The following PFKFB3 variants were observed in gnomAD, a reference collection of about 807,000 sequenced individuals.
PFKFB3 encodes 6-phosphofructo-2-kinase/fructose-2,6-biphosphatase 3, also known as 6-phosphofructo-2-kinase/fructose-2,6-bisphosphatase 3.
Under a neutral mutation model 68.0 loss-of-function variants are expected in PFKFB3, and 33 were observed. The ratio of observed to expected loss-of-function variants is 0.49; its 90% CI spans 0.37 to 0.65. The LOEUF is 0.65. PFKFB3 is among the 30% of genes least tolerant of loss of function. The probability of loss-of-function intolerance (pLI) is 0.00; values close to 1 mark genes in which losing one functional copy is unlikely to be tolerated. For missense variants in PFKFB3, 586 were observed against 712.2 expected (o/e 0.82, Z 2.02); for synonymous variants, 315 against 288.2 (o/e 1.09, Z -0.94).
the PFKFB3 span, among the ~76,000 whole-genome samples, chr10:6,263,005 G>A: frequency 4.5e-4 from 69 of 152,248 alleles, no homozygotes; most frequent in South Asian, 0.011. Context: ...ACCCAGCAGC[G>A]CTAGAGGAAT....
At chr10:6,235,841 A>G (rs997000342), downstream of PFKFB3, among the ~76,000 whole-genome samples, 1 of 147,220 alleles carries the variant, frequency 6.8e-6, no homozygotes, top group Non-Finnish European at 1.5e-5. Flanking sequence ...ATCTCAGCTC[A>G]CTGCAACCTC....
the PFKFB3 span, among the ~76,000 whole-genome samples, chr10:6,297,716 TTGA>T: frequency 6.6e-6 from 1 of 152,202 alleles, no homozygotes; most frequent in Non-Finnish European, 1.5e-5. Flanking sequence ...TTACAGCTCC[TTGA>T]TGATGACCCT....
downstream of PFKFB3, among the ~76,000 whole-genome samples, chr10:6,240,493 A>G (rs1046155697): frequency 6.6e-6 from 1 of 151,778 alleles, no homozygotes; most frequent in African/African-American, 2.4e-5. Flanking sequence ...TCGAACTCCA[A>G]CCTCAGGTGA....
At chr10:6,302,060 CT>C in the PFKFB3 span, among the ~76,000 whole-genome samples, 78 of 146,150 alleles carry the variant, frequency 5.3e-4, no homozygotes, top group African/African-American at 1.3e-3. Flanking sequence ...TTTTCTTTTT[CT>C]TTTTTTTTTT....
intron 1 of PFKFB3, among the ~76,000 whole-genome samples, chr10:6,184,764 G>A (rs978639022): frequency 7.5e-6 from 1 of 133,604 alleles, no homozygotes; most frequent in Non-Finnish European, 1.5e-5. Context: ...GAGTCACCGC[G>A]CCTGGCCTTT....
rs368404740 is a variant in PFKFB3 at position 6,204,056 on chromosome 10, G to T, written c.76+720G>T. Reference sequence around the variant, plus strand: ...GAGTGCACGGTTGGCGCTGCTCCACGCGCCCCGGGCGCACGCACCCCCCGG... The same window carrying T: ...GAGTGCACGGTTGGCGCTGCTCCACTCGCCCCGGGCGCACGCACCCCCCGG... On this transcript the variant is annotated intron_variant, in intron 1 of 14. Transcript: ENST00000379775. Among the ~76,000 whole-genome samples the T allele has an allele frequency of 1.2e-4, 18 of 152,302 alleles. 1 individual carries two copies. In the East Asian group the frequency reaches 3.3e-3, roughly 28 times the overall value.
intron 1 of PFKFB3, among the ~76,000 whole-genome samples, chr10:6,191,934 G>A (rs74114550): frequency 0.011 from 1,685 of 152,072 alleles, 37 homozygotes; most frequent in African/African-American, 0.039. Context: ...CCGTTCTCTG[G>A]GGGTAGATGA....
intron 1 of PFKFB3, among the ~76,000 whole-genome samples, chr10:6,208,809 T>C (rs777635016): frequency 2.0e-5 from 3 of 152,182 alleles, no homozygotes; most frequent in Non-Finnish European, 4.4e-5. Flanking sequence ...GGATTCACCA[T>C]CCATCTGGCT....
intron 1 of PFKFB3, among the ~76,000 whole-genome samples, chr10:6,183,855 T>C (rs566026444): frequency 6.7e-6 from 1 of 149,502 alleles, no homozygotes; most frequent in Admixed American, 6.7e-5. Flanking sequence ...GCCCGGCTAA[T>C]TTTTTTTTAT....
chr10:6,225,816 C>A (rs1046982368), intron 13 of PFKFB3, among the ~76,000 whole-genome samples: 1 of 152,200 alleles, frequency 6.6e-6, no homozygotes, highest in African/African-American at 2.4e-5. Context: ...GCCTCAGGCC[C>A]AGCCTCTCCC....
chr10:6,197,088 G>A (rs1234691519), intron 1 of PFKFB3, among the ~76,000 whole-genome samples: 2 of 151,664 alleles, frequency 1.3e-5, no homozygotes, highest in East Asian at 3.9e-4. Context: ...AGGTTCAAGC[G>A]ATTGTCCTGC....
chr10:6,187,980 C>T (rs201138316), intron 1 of PFKFB3, among the ~76,000 whole-genome samples: 4 of 82,766 alleles, frequency 4.8e-5, no homozygotes, highest in African/African-American at 2.6e-4. Context: ...TCTATCTATC[C>T]ATCCATCCAT....
the PFKFB3 span, among the ~76,000 whole-genome samples, chr10:6,300,989 AG>A: frequency 6.6e-6 from 1 of 152,174 alleles, no homozygotes; most frequent in Non-Finnish European, 1.5e-5. Flanking sequence ...AGGACACCTG[AG>A]GGGAGTGCCT....
chr10:6,213,487 C>T (rs1054529784), intron 1 of PFKFB3, 136 bp from the exon 2 acceptor site: 44 of 1,006,656 alleles, frequency 4.4e-5, no homozygotes, highest in South Asian at 8.0e-5. Context: ...ACCGTGCTCC[C>T]GCCTGGGCAA....
At chr10:6,145,518 C>A (rs576335793) in intron 1 of PFKFB3, among the ~76,000 whole-genome samples, 33 of 152,060 alleles carry the variant, frequency 2.2e-4, no homozygotes, top group Admixed American at 5.2e-4. Context: ...ACCCGGAGGG[C>A]GGCGGGGCCC....
At chr10:6,187,180 G>T (rs777732598) in intron 1 of PFKFB3, among the ~76,000 whole-genome samples, 2 of 149,050 alleles carry the variant, frequency 1.3e-5, no homozygotes, top group Non-Finnish European at 3.0e-5. Flanking sequence ...GGCCAACATG[G>T]TGAATCCCTG....
chr10:6,303,042 A>T, the PFKFB3 span, among the ~76,000 whole-genome samples: 1 of 152,178 alleles, frequency 6.6e-6, no homozygotes, highest in African/African-American at 2.4e-5. Context: ...TGTCCAGGGC[A>T]TGTGGGTAAG....
At chr10:6,210,886 G>A (rs1421177282) in intron 1 of PFKFB3, among the ~76,000 whole-genome samples, 1 of 54,112 alleles carries the variant, frequency 1.8e-5, no homozygotes, top group African/African-American at 4.0e-5. Context: ...TCTTGATAGT[G>A]TTTTTAATAG....
At chr10:6,208,371 C>CTTTTTTTTTTTTTTTTTTG (rs1843934114) in intron 1 of PFKFB3, among the ~76,000 whole-genome samples, 1 of 60,624 alleles carries the variant, frequency 1.6e-5, no homozygotes, top group African/African-American at 6.7e-5. Context: ...GGTACCTGGC[C>CTTTTTTTTTTTTTTTTTTG]TTTTTTTTTT....
Sources: gnomAD v4.1 joint callset for allele counts (sites outside exome capture counted in the v4.1 genomes callset) on GRCh38, gnomAD v4.1.1 for gene constraint, MANE v1.5 for transcripts, NCBI Gene and HGNC (gene_info 2026-07-23, HGNC 2026-07-21) for gene names.